LCORL: variants seen among roughly 807,000 people sequenced by gnomAD.
The protein encoded by LCORL is ligand dependent nuclear receptor corepressor like, also known as ligand-dependent nuclear receptor corepressor-like protein.
Under a neutral mutation model 141.8 loss-of-function variants are expected in LCORL, and 41 were observed. The observed-to-expected ratio is 0.29, with a 90% CI of 0.23 to 0.38. The LOEUF is 0.38. Ranked by LOEUF, LCORL falls within the 10% of genes least tolerant of loss-of-function variation. The pLI, the probability that LCORL is intolerant of heterozygous loss-of-function variation, is 1.00. For missense variants in LCORL, 1,759 were observed against 2,035.0 expected, an observed-to-expected ratio of 0.86 and a Z score of 2.61; for synonymous variants, 618 against 694.1, an observed-to-expected ratio of 0.89 and a Z score of 1.72.
At chr4:18,010,050 G>A (rs1723455147) in intron 1 of LCORL, among the ~76,000 whole-genome samples, 1 of 152,150 alleles carries the variant, frequency 6.6e-6, no homozygotes, top group African/African-American at 2.4e-5. Context: ...AGACACCAGT[G>A]AATAAACTGT....
At chr4:17,967,437 G>T (rs1012672705) in intron 2 of LCORL, among the ~76,000 whole-genome samples, 1 of 152,044 alleles carries the variant, frequency 6.6e-6, no homozygotes, top group Non-Finnish European at 1.5e-5. Context: ...TATCAATTGG[G>T]TTCAATAAAA....
chr4:17,880,453 C>T (rs1727411849), intron 6 of LCORL: 4 of 920,866 alleles, frequency 4.3e-6, no homozygotes, highest in Non-Finnish European at 5.2e-6. Flanking sequence ...GATTTATAAA[C>T]CAAACATACT....
chr4:17,850,842 G>A (rs1433793727), intron 7 of LCORL, among the ~76,000 whole-genome samples: 3 of 151,524 alleles, frequency 2.0e-5, no homozygotes, highest in East Asian at 1.9e-4. Flanking sequence ...TGTTTATTGC[G>A]GCACTATTCA....
At chr4:17,945,411 G>GTT (rs200628386) in intron 4 of LCORL, among the ~76,000 whole-genome samples, 35 of 145,178 alleles carry the variant, frequency 2.4e-4, no homozygotes, top group African/African-American at 7.0e-4. Context: ...ATAAATTGGG[G>GTT]TTTTTTTTTT....
chr4:17,880,796 TAC>T, intron 6 of LCORL: 1 of 922,618 alleles, frequency 1.1e-6, no homozygotes, highest in Non-Finnish European at 1.3e-6. Flanking sequence ...AGAATTACAG[TAC>T]ATTTACAACA....
In LCORL at chr4:17,982,099, CGTGTGTGTGT is replaced by C. The variant is rs57094203; in HGVS notation, c.155-9224_155-9215del. On this transcript the variant is annotated intron_variant, in intron 1 of 7. Transcript: ENST00000635767. Reference sequence around the variant, plus strand: ...TTTTCATGGCTGCATAGTATTCCATCGTGTGTGTGTGTGTGTGTGTGTGTGTGTGTGTGTG... The same window carrying C: ...TTTTCATGGCTGCATAGTATTCCATCGTGTGTGTGTGTGTGTGTGTGTGTG... Among the ~76,000 whole-genome samples, 1,295 of 136,572 alleles carry C rather than the reference CGTGTGTGTGT, an allele frequency of 9.5e-3. 10 individuals carry two copies. Among genetic ancestry groups the C allele is most frequent in the African/African-American group, 0.024 (848 of 35,642 alleles). 89.6% of individuals were successfully genotyped at this position (136,572 alleles called of 152,430 possible).
chr4:17,881,248 A>G (rs2109203261), intron 6 of LCORL: 1 of 983,360 alleles, frequency 1.0e-6, no homozygotes, highest in African/African-American at 1.7e-5. Flanking sequence ...GTCTGCTGAA[A>G]CGGGATTTTT....
intron 1 of LCORL, among the ~76,000 whole-genome samples, chr4:18,002,521 T>C (rs1387756120): frequency 6.6e-6 from 1 of 152,208 alleles, no homozygotes; most frequent in Non-Finnish European, 1.5e-5. Context: ...CAACATGTCA[T>C]GATGTTAATA....
intron 7 of LCORL, among the ~76,000 whole-genome samples, chr4:17,864,353 T>G (rs1725375417): frequency 6.6e-6 from 1 of 152,094 alleles, no homozygotes; most frequent in Admixed American, 6.6e-5. Context: ...GCCTCCCCAG[T>G]AGCTGGGGCC....
chr4:17,891,770 A>T (rs1427982733), intron 5 of LCORL, among the ~76,000 whole-genome samples: 1 of 152,206 alleles, frequency 6.6e-6, no homozygotes, highest in Non-Finnish European at 1.5e-5. Flanking sequence ...AAGAACCCCC[A>T]AATAAAATGA....
At chr4:17,851,111 C>T (rs1289506709) in intron 7 of LCORL, among the ~76,000 whole-genome samples, 1 of 126,100 alleles carries the variant, frequency 7.9e-6, no homozygotes, top group East Asian at 2.4e-4. Context: ...GGGAACATCA[C>T]ACTCTGGGGA....
chr4:17,968,598 G>A (rs928462036), intron 2 of LCORL, among the ~76,000 whole-genome samples: 2 of 152,084 alleles, frequency 1.3e-5, no homozygotes, highest in South Asian at 4.1e-4. Flanking sequence ...TAAGTCAGGG[G>A]TCAGCAAACC....
rs924020180 is a variant in LCORL at position 18,021,702 on chromosome 4, G to A, written c.50C>T (p.Ala17Val). Residue 17 changes from alanine to valine, a missense_variant, in exon 1 of 8, where the codon GCC becomes GTC. This residue lies in a region of LCORL where 86 missense variants were observed against 61.8 expected (regional missense o/e 1.39). Transcript: ENST00000635767. This position sits in a 1 kb window ranked among gnomAD's most constrained non-coding sequence, Gnocchi z 5.5. ...CCGGCACTGAGCGGCGGCGGCGGCGGCGGCAGCAGCGGCGGCGGCAGCGGC... is the reference window on the plus strand; with the variant it reads ...CCGGCACTGAGCGGCGGCGGCGGCGACGGCAGCAGCGGCGGCGGCAGCGGC... The A allele has an allele frequency of 9.8e-6, 15 of 1,528,310 alleles. No individual in the cohort carries two copies. Among genetic ancestry groups the A allele is most frequent in the African/African-American group, 5.7e-5 (4 of 70,476 alleles). The allele number at this position is 1,528,310 out of a possible 1,614,324, so 94.7% of individuals were successfully genotyped here. A position where few individuals can be genotyped will look rare whatever the true frequency, so the allele number is the denominator to read the frequency against.
chr4:17,861,585 GCTC>G (rs1353788091), intron 7 of LCORL, among the ~76,000 whole-genome samples: 1 of 152,178 alleles, frequency 6.6e-6, no homozygotes, highest in African/African-American at 2.4e-5. Flanking sequence ...TTAACGTGTG[GCTC>G]CTCATTAGTT....
At chr4:17,954,297 G>A (rs1712120664) in intron 4 of LCORL, among the ~76,000 whole-genome samples, 1 of 152,158 alleles carries the variant, frequency 6.6e-6, no homozygotes, top group South Asian at 2.1e-4. Context: ...AGTTAGCAAT[G>A]TGCACTGGTA....
chr4:17,848,886 C>T (rs752538913), intron 7 of LCORL, among the ~76,000 whole-genome samples: 10 of 152,260 alleles, frequency 6.6e-5, no homozygotes, highest in Non-Finnish European at 1.2e-4. Context: ...ATATCCCACA[C>T]CTGGCTCGGA....
At chr4:17,916,970 G>A (rs936782922) in intron 4 of LCORL, among the ~76,000 whole-genome samples, 1 of 151,024 alleles carries the variant, frequency 6.6e-6, no homozygotes, top group Non-Finnish European at 1.5e-5. Flanking sequence ...TCAACCTCAG[G>A]TATTTCTTTT....
intron 5 of LCORL, among the ~76,000 whole-genome samples, chr4:17,887,051 T>C (rs1257838358): frequency 6.6e-6 from 1 of 152,060 alleles, no homozygotes; most frequent in African/African-American, 2.4e-5. Flanking sequence ...CTTAAAAAAT[T>C]CAACTGGGTT....
intron 5 of LCORL, among the ~76,000 whole-genome samples, chr4:17,906,468 T>C (rs957411426): frequency 2.0e-5 from 3 of 151,972 alleles, no homozygotes; most frequent in African/African-American, 7.3e-5. Context: ...AATAAGTCAT[T>C]CAAAAACTTA....
Sources: gnomAD v4.1 joint callset for allele counts (sites outside exome capture counted in the v4.1 genomes callset) on GRCh38, gnomAD v4.1.1 for gene constraint, gnomAD v4.1.1 regional missense constraint, Gnocchi (gnomAD v3.1) non-coding constraint, MANE v1.5 for transcripts, NCBI Gene and HGNC (gene_info 2026-07-23, HGNC 2026-07-21) for gene names.